CHD7: variants seen among roughly 807,000 people sequenced by gnomAD.
CHD7 encodes ATP-dependent chromatin remodeler CHD7.
Under a neutral mutation model 307.3 loss-of-function variants are expected in CHD7, and 24 were observed. The observed-to-expected ratio is 0.08, with a 90% CI of 0.06 to 0.11. The LOEUF is 0.11. CHD7 is among the 10% of genes least tolerant of loss of function. The probability of loss-of-function intolerance (pLI) is 1.00; values close to 1 mark genes in which losing one functional copy is unlikely to be tolerated. For missense variants in CHD7, 3,106 were observed against 3,727.1 expected (o/e 0.83, Z 4.34); for synonymous variants, 1,363 against 1,349.9 (o/e 1.01, Z -0.21).
At chr8:60,784,304 A>G (rs146575162) in intron 3 of CHD7, among the ~76,000 whole-genome samples, 1 of 152,318 alleles carries the variant, frequency 6.6e-6, no homozygotes, top group Non-Finnish European at 1.5e-5. Context: ...TGAATAAGTT[A>G]ACTTGATGAA....
At chr8:60,695,527 T>C (rs1015976227) in intron 1 of CHD7, among the ~76,000 whole-genome samples, 4 of 152,188 alleles carry the variant, frequency 2.6e-5, no homozygotes. Flanking sequence ...GACCTTTCTT[T>C]TGGAGGTGTG....
chr8:60,854,196 G>C (rs915246750), intron 31 of CHD7, among the ~76,000 whole-genome samples, 167 bp from the exon 32 acceptor site: 5 of 152,188 alleles, frequency 3.3e-5, no homozygotes, highest in Non-Finnish European at 7.3e-5. Flanking sequence ...CTATGTTAAA[G>C]GGCTGTTGTA....
In CHD7 at chr8:60,821,893, A is replaced by C. The variant is rs767217637; in HGVS notation, c.2801A>C (p.Lys934Thr). The C allele has an allele frequency of 6.2e-7, 1 of 1,612,240 alleles. No homozygotes were observed. Among genetic ancestry groups the C allele is most frequent in the Middle Eastern group, 1.7e-4 (1 of 6,058 alleles). The change falls in exon 10 of 38, where the codon AAA (lysine) becomes ACA (threonine). Residue 934 changes from lysine to threonine, a missense_variant. Lys to Thr is a moderately conservative substitution (Grantham distance 78). This residue lies in a region of CHD7 where 188 missense variants were observed against 261.7 expected (regional missense o/e 0.72). Coordinates refer to ENST00000423902, the MANE Select transcript of CHD7 (RefSeq NM_017780.4). Reference sequence around the variant, plus strand: ...CAAGCAAAGATCGAGGAGTTTGAGAAACTAATGTCCAGGGAGCCGGAAACA... The same window carrying C: ...CAAGCAAAGATCGAGGAGTTTGAGACACTAATGTCCAGGGAGCCGGAAACA... ...IDQAKIEEFE[K>T]LMSREPETER...
At chr8:60,829,321 C>G (rs557100200) in intron 14 of CHD7, among the ~76,000 whole-genome samples, 17 of 152,216 alleles carry the variant, frequency 1.1e-4, no homozygotes, top group Non-Finnish European at 1.9e-4. Context: ...GTGCTTGGGC[C>G]AGGCGCGGTG....
chr8:60,725,335 A>G (rs751858833), intron 1 of CHD7, among the ~76,000 whole-genome samples: 1 of 152,244 alleles, frequency 6.6e-6, no homozygotes, highest in South Asian at 2.1e-4. Flanking sequence ...TGGTTTCTTC[A>G]TGAGAGATCT....
chr8:60,830,215 G>T, intron 14 of CHD7, 107 bp from the exon 15 acceptor site: 2 of 1,195,198 alleles, frequency 1.7e-6, no homozygotes, highest in South Asian at 1.6e-5. Flanking sequence ...TTTGAAAAAT[G>T]AAAATGGATG....
chr8:60,779,043 A>T (rs935773091), intron 2 of CHD7, among the ~76,000 whole-genome samples: 1 of 152,150 alleles, frequency 6.6e-6, no homozygotes, highest in African/African-American at 2.4e-5. Context: ...TGTGTTTCCT[A>T]TATATCGTTA....
chr8:60,821,910 C>A lies in CHD7; in HGVS notation c.2818C>A (p.Pro940Thr). ...EEFEKLMSREPETERVERPPA... is the reference protein window; with the variant it reads ...EEFEKLMSRETETERVERPPA... ...GTTTGAGAAACTAATGTCCAGGGAG[C>A]CGGAAACAGAGCGTGTGGTAAGAAT... Residue 940 changes from proline to threonine, a missense_variant, in exon 10 of 38, where the codon CCG becomes ACG. By Grantham distance (38) the Pro-to-Thr change is conservative. Coordinates refer to ENST00000423902, the MANE Select transcript of CHD7 (RefSeq NM_017780.4). 1 of 1,612,468 alleles carries A rather than the reference C, an allele frequency of 6.2e-7. No homozygotes were observed. Among genetic ancestry groups the A allele is most frequent in the South Asian group, 1.1e-5 (1 of 90,858 alleles).
At chr8:60,844,686 G>C (rs1805126884) in intron 21 of CHD7, among the ~76,000 whole-genome samples, 178 bp from the exon 22 acceptor site, 1 of 152,198 alleles carries the variant, frequency 6.6e-6, no homozygotes, top group South Asian at 2.1e-4. Context: ...GAACTGAGGG[G>C]CAGCTTACTG....
intron 7 of CHD7, among the ~76,000 whole-genome samples, chr8:60,811,616 C>T (rs889316101): frequency 1.3e-5 from 2 of 152,122 alleles, no homozygotes; most frequent in Non-Finnish European, 2.9e-5. Flanking sequence ...TTTCCAATTA[C>T]GGATAATGCT....
intron 1 of CHD7, among the ~76,000 whole-genome samples, chr8:60,726,426 A>G (rs1356850248): frequency 6.6e-6 from 1 of 152,234 alleles, no homozygotes; most frequent in Non-Finnish European, 1.5e-5. Context: ...TGTATTTAAA[A>G]TTTTCATAAA....
intron 3 of CHD7, among the ~76,000 whole-genome samples, chr8:60,784,931 TG>T (rs1811425660): frequency 6.6e-6 from 1 of 152,192 alleles, no homozygotes. Context: ...ATATATTTTT[TG>T]TATCGATTTT....
At chr8:60,849,940 A>G (rs1805379847) in intron 25 of CHD7, among the ~76,000 whole-genome samples, 1 of 152,312 alleles carries the variant, frequency 6.6e-6, no homozygotes, top group African/African-American at 2.4e-5. Flanking sequence ...CATCTAGTCA[A>G]CTTGGGCAGT....
intron 14 of CHD7, 56 bp from the exon 15 acceptor site, chr8:60,830,266 T>A (rs1804447547): frequency 1.3e-6 from 2 of 1,525,000 alleles, no homozygotes; most frequent in Non-Finnish European, 1.8e-6. Flanking sequence ...TGTTAAAATA[T>A]GTTTTAACTT....
Position 60,841,735 on chromosome 8 carries a change from T to G in CHD7, c.4625T>G (p.Ile1542Ser). 1 of 1,607,562 alleles carries G rather than the reference T, an allele frequency of 6.2e-7. No individual in the cohort carries two copies. The highest frequency in any genetic ancestry group is 8.5e-7 in the Non-Finnish European group (1 of 1,174,296). ...QKWAKKAELD[I>S]DALNGRNNLV... ...TGGGCTAAGAAGGCTGAATTGGATA[T>G]TGATGCCTTAAATGGGAGGGTGAGT... The change falls in exon 20 of 38, where the codon ATT (isoleucine) becomes AGT (serine). Residue 1542 changes from isoleucine (I) to serine (S), a missense_variant. Around this residue, in one of 10 missense-constraint regions of CHD7, gnomAD observed 122 missense variants for 124.5 expected, o/e 0.98. Coordinates refer to ENST00000423902, the MANE Select transcript of CHD7 (RefSeq NM_017780.4).
intron 3 of CHD7, among the ~76,000 whole-genome samples, chr8:60,787,735 A>G (rs1390831361): frequency 6.6e-6 from 1 of 152,184 alleles, no homozygotes; most frequent in East Asian, 1.9e-4. Context: ...TTCTGTGATC[A>G]GATAACACAT....
intron 3 of CHD7, among the ~76,000 whole-genome samples, chr8:60,782,315 A>G (rs1042066823): frequency 2.0e-5 from 3 of 152,236 alleles, no homozygotes; most frequent in African/African-American, 4.8e-5. Flanking sequence ...ACACCTGTGC[A>G]TGTACACAGT....
intron 2 of CHD7, among the ~76,000 whole-genome samples, chr8:60,770,513 G>A (rs530235970): frequency 9.9e-5 from 15 of 152,280 alleles, no homozygotes; most frequent in Admixed American, 9.2e-4. Context: ...CAGCTGGAAG[G>A]AGTCATGGGG....
intron 2 of CHD7, among the ~76,000 whole-genome samples, chr8:60,774,756 C>T (rs1810872459): frequency 6.6e-6 from 1 of 152,204 alleles, no homozygotes; most frequent in Non-Finnish European, 1.5e-5. Flanking sequence ...AGCTTTGTTT[C>T]ATTTAGAATT....
Sources: gnomAD v4.1 joint callset for allele counts (sites outside exome capture counted in the v4.1 genomes callset) on GRCh38, gnomAD v4.1.1 for gene constraint, gnomAD v4.1.1 regional missense constraint, MANE v1.5 for transcripts, NCBI Gene and HGNC (gene_info 2026-07-23, HGNC 2026-07-21) for gene names.